Variants in CRHR1 observed in about 807,000 individuals in gnomAD.
CRHR1 encodes corticotropin releasing hormone receptor 1, also known as corticotropin-releasing hormone receptor 1.
A neutral mutation model predicts 56.0 loss-of-function variants in CRHR1; 28 were observed. That is an observed-to-expected ratio of 0.50 (90% CI 0.37 to 0.69). The LOEUF (loss-of-function observed/expected upper bound fraction) is 0.69, where lower values mean the gene tolerates loss of function less well. CRHR1 is among the 30% of genes least tolerant of loss of function. CRHR1 has a pLI of 0.00. For missense variants in CRHR1, 376 were observed against 548.0 expected, an observed-to-expected ratio of 0.69 and a Z score of 3.13; for synonymous variants, 195 against 216.5, an observed-to-expected ratio of 0.90 and a Z score of 0.87.
Position 45,833,702 on chromosome 17 carries a change from GCCCCA to G in CRHR1, c.930-6_930-2del. 2 of 404,440 alleles carry G rather than the reference GCCCCA, an allele frequency of 4.9e-6. No homozygotes were observed. The highest frequency in any genetic ancestry group is 3.6e-5 in the African/African-American group (1 of 27,714). The allele number at this position is 404,440 out of a possible 1,614,324, so 25.1% of individuals were successfully genotyped here. A position where few individuals can be genotyped will look rare whatever the true frequency, so the allele number is the denominator to read the frequency against. On this transcript the variant is annotated splice_polypyrimidine_tract_variant and splice_region_variant and intron_variant, in intron 10 of 12. Coordinates refer to ENST00000314537, the MANE Select transcript of CRHR1 (RefSeq NM_004382.5). ...GCTGTGACTCCGAGCCTCCCCACCC[GCCCCA>G]CCCCAGGAAGGCTGTGAAAGCCACT... is the stretch of plus-strand genomic sequence containing the variant.
chr17:45,828,462 AG>A (rs910483747), intron 4 of CRHR1, among the ~76,000 whole-genome samples: 4 of 152,240 alleles, frequency 2.6e-5, no homozygotes, highest in African/African-American at 9.6e-5. Flanking sequence ...GTAAACAGGA[AG>A]GCTTCACCAC....
At chr17:45,795,060 G>T (rs1369405920) in intron 1 of CRHR1, among the ~76,000 whole-genome samples, 1 of 152,208 alleles carries the variant, frequency 6.6e-6, no homozygotes, top group Admixed American at 6.5e-5. Context: ...GAGATCTGGA[G>T]GAGCTGACCC....
chr17:45,793,504 T>C (rs1444163195), intron 1 of CRHR1, among the ~76,000 whole-genome samples: 4 of 151,818 alleles, frequency 2.6e-5, no homozygotes. Flanking sequence ...GAGGCAGGAG[T>C]AGCCAGGCAA....
rs779633320 is a variant in CRHR1 at position 45,829,198 on chromosome 17, CCTCT to C, written c.328-13_328-10del. The C allele has an allele frequency of 6.2e-7, 1 of 1,603,102 alleles. No individual in the cohort carries two copies. The highest frequency in any genetic ancestry group is 2.2e-5 in the East Asian group (1 of 44,804). ...ATCCAGCAGAAGGCTCACCTCTGCC[CCTCT>C]CTCCTGCTCCAGAAAAAAAGCAAGG... On this transcript the variant is annotated splice_polypyrimidine_tract_variant and intron_variant, in intron 4 of 12. Coordinates refer to ENST00000314537, the MANE Select transcript of CRHR1 (RefSeq NM_004382.5).
At chr17:45,829,431 G>A in intron 5 of CRHR1, 110 bp downstream of exon 5, 4 of 1,333,226 alleles carry the variant, frequency 3.0e-6, no homozygotes, top group Non-Finnish European at 4.2e-6. Flanking sequence ...CTGGGAGAGG[G>A]TGGCAGGGGC....
chr17:45,796,795 G>A (rs149425990), intron 1 of CRHR1, among the ~76,000 whole-genome samples: 197 of 152,266 alleles, frequency 1.3e-3, no homozygotes, highest in African/African-American at 4.4e-3. Flanking sequence ...AAAGAAGGGA[G>A]GGAGGAAAAT....
chr17:45,790,605 G>A (rs750428210), intron 1 of CRHR1, among the ~76,000 whole-genome samples: 1 of 152,244 alleles, frequency 6.6e-6, no homozygotes, highest in Non-Finnish European at 1.5e-5. Context: ...TGGGCCCAGA[G>A]AGAAGCCTCA....
At chr17:45,815,155 C>T (rs967462507) in intron 2 of CRHR1, among the ~76,000 whole-genome samples, 2 of 152,238 alleles carry the variant, frequency 1.3e-5, no homozygotes, top group Admixed American at 6.5e-5. Context: ...TGCCCCCACA[C>T]GCGCTGGTTC....
At chr17:45,833,693 T>TGCCCCCCCCCC in intron 10 of CRHR1, 21 bp from the exon 11 acceptor site, 1 of 1,571,618 alleles carries the variant, frequency 6.4e-7, no homozygotes, top group Non-Finnish European at 8.7e-7. Context: ...ACTCCGAGCC[T>TGCCCCCCCCCC]CCCCACCCGC....
chr17:45,816,560 T>C lies in CRHR1; in HGVS notation c.219T>C (p.Tyr73=). The C allele has an allele frequency of 6.2e-7, 1 of 1,614,142 alleles. No individual in the cohort carries two copies. Among genetic ancestry groups the C allele is most frequent in the Non-Finnish European group, 8.5e-7 (1 of 1,180,016 alleles). ...LVVRPCPAFF[Y]GVRYNTTNNG... ...TTCGGCCCTGCCCTGCCTTTTTCTA[T>C]GGTGTCCGCTACAATACCACAAGTA... The change falls in exon 3 of 13, where the codon TAT becomes TAC. Residue 73 remains tyrosine (Y), a synonymous_variant. Coordinates refer to ENST00000314537, the MANE Select transcript of CRHR1 (RefSeq NM_004382.5).
At position 45,816,448 on chromosome 17, in the gene CRHR1, C is replaced by T. The variant is rs763057553; in HGVS notation, c.122-15C>T. On this transcript the variant is annotated splice_polypyrimidine_tract_variant and intron_variant, in intron 2 of 12. Coordinates refer to ENST00000314537, the MANE Select transcript of CRHR1 (RefSeq NM_004382.5). ...GGATATCTTGCTGTGCCTTACCAGC[C>T]GTCTCTGCCCCCAGGACTGCAGTGC... The T allele has an allele frequency of 1.4e-5, 22 of 1,613,522 alleles. No homozygotes were observed. Among genetic ancestry groups the T allele is most frequent in the Non-Finnish European group, 1.8e-5 (21 of 1,179,898 alleles).
intron 1 of CRHR1, among the ~76,000 whole-genome samples, chr17:45,789,358 C>T (rs1311160708): frequency 1.3e-5 from 2 of 151,940 alleles, no homozygotes; most frequent in Non-Finnish European, 2.9e-5. Flanking sequence ...TCCCTGTCAG[C>T]AGAGTCCCTA....
In CRHR1 at chr17:45,830,212, G is replaced by A. The variant is rs547011834; in HGVS notation, c.553G>A (p.Val185Met). ...GAGCCCCGAGGTCCACCAGAGCAAC[G>A]TGGTACGTCCTGGCAGGGGAGCGGG... is the stretch of plus-strand genomic sequence containing the variant. ...TMSPEVHQSN[V>M]GWCRLVTAAY... The change falls in exon 6 of 13, where the codon GTG becomes ATG. Residue 185 changes from valine to methionine, a missense_variant and splice_region_variant. Transcript: ENST00000314537. The A allele has an allele frequency of 9.9e-6, 16 of 1,614,084 alleles. No homozygotes were observed. The highest frequency in any genetic ancestry group is 3.3e-5 in the Admixed American group (2 of 60,018).
chr17:45,792,794 C>A (rs1021055697), intron 1 of CRHR1, among the ~76,000 whole-genome samples: 8 of 152,210 alleles, frequency 5.3e-5, no homozygotes, highest in African/African-American at 1.4e-4. Flanking sequence ...TGTATCCCCC[C>A]ACAGGGGGCT....
chr17:45,819,901 C>G (rs1187985654), intron 3 of CRHR1, among the ~76,000 whole-genome samples: 1 of 152,226 alleles, frequency 6.6e-6, no homozygotes, highest in Non-Finnish European at 1.5e-5. Flanking sequence ...CCTATCATCA[C>G]CTTCTTGTCC....
At chr17:45,802,341 A>C (rs187956201) in intron 1 of CRHR1, among the ~76,000 whole-genome samples, 24 of 152,342 alleles carry the variant, frequency 1.6e-4, no homozygotes, top group Admixed American at 1.5e-3. Flanking sequence ...AACAAACAAA[A>C]AAATTCTCCA....
At chr17:45,833,328 G>C in intron 9 of CRHR1, 118 bp downstream of exon 9, 1 of 1,440,478 alleles carries the variant, frequency 6.9e-7, no homozygotes, top group Non-Finnish European at 9.8e-7. Context: ...AGGGGGCATG[G>C]GTCAGAGATG....
Position 45,833,698 on chromosome 17 carries a change from A to ACCCC in CRHR1, c.930-13_930-12insCCCC. On this transcript the variant is annotated splice_polypyrimidine_tract_variant and intron_variant, in intron 10 of 12. Coordinates refer to ENST00000314537, the MANE Select transcript of CRHR1 (RefSeq NM_004382.5). ...GTGGGCTGTGACTCCGAGCCTCCCC[A>ACCCC]CCCGCCCCACCCCAGGAAGGCTGTG... The ACCCC allele has an allele frequency of 5.9e-6, 2 of 340,478 alleles. No individual in the cohort carries two copies. The highest frequency in any genetic ancestry group is 4.6e-5 in the African/African-American group (1 of 21,818). The allele number at this position is 340,478 out of a possible 1,614,324, so 21.1% of individuals were successfully genotyped here. A position where few individuals can be genotyped will look rare whatever the true frequency, so the allele number is the denominator to read the frequency against.
chr17:45,828,176 G>C (rs1330961303), intron 4 of CRHR1, among the ~76,000 whole-genome samples: 2 of 152,216 alleles, frequency 1.3e-5, no homozygotes, highest in Non-Finnish European at 2.9e-5. Flanking sequence ...ACCTATAAAA[G>C]TGTGGATGGG....
Sources: allele counts gnomAD v4.1 joint callset (sites outside exome capture counted in the v4.1 genomes callset), GRCh38; gene constraint gnomAD v4.1.1; transcripts MANE v1.5; gene names NCBI Gene and HGNC (gene_info 2026-07-23, HGNC 2026-07-21).